NECAB2: variants seen among roughly 807,000 people sequenced by gnomAD.
The protein encoded by NECAB2 is N-terminal EF-hand calcium binding protein 2, also known as N-terminal EF-hand calcium-binding protein 2.
A neutral mutation model predicts 51.9 loss-of-function variants in NECAB2; 68 were observed. The observed-to-expected ratio is 1.31, with a 90% CI of 1.08 to 1.60. The LOEUF (loss-of-function observed/expected upper bound fraction) is 1.60, where lower values mean the gene tolerates loss of function less well. Among genes scored for constraint, NECAB2 ranks in the 40% most tolerant of loss-of-function variants. The pLI is 0.00. For missense variants in NECAB2, 854 were observed against 490.3 expected, an observed-to-expected ratio of 1.74 and a Z score of -7.00; for synonymous variants, 329 against 203.5, an observed-to-expected ratio of 1.62 and a Z score of -5.25.
chr16:83,984,176 T>C (rs985716239), intron 5 of NECAB2, among the ~76,000 whole-genome samples: 41 of 151,688 alleles, frequency 2.7e-4, no homozygotes, highest in Admixed American at 9.9e-4. Flanking sequence ...TTTGTATTTT[T>C]AGTAGAGACG....
rs753564109 is a variant in NECAB2 at position 84,002,302 on chromosome 16, G to C, written c.1133-16G>C. 12 of 1,613,642 alleles carry C rather than the reference G, an allele frequency of 7.4e-6. No homozygotes were observed. Among genetic ancestry groups the C allele is most frequent in the East Asian group, 4.5e-5 (2 of 44,854 alleles). On this transcript the variant is annotated splice_polypyrimidine_tract_variant and intron_variant, in intron 12 of 12. Coordinates refer to ENST00000305202, the MANE Select transcript of NECAB2 (RefSeq NM_019065.3). The stretch of plus-strand genomic sequence containing the variant: ...CATTCGCACTCCTTCCCTCTAACGT[G>C]TCTCTCTCCTTTTAGCTGCTTGGTG...
At chr16:83,986,321 G>T (rs530898684) in intron 5 of NECAB2, among the ~76,000 whole-genome samples, 3 of 152,224 alleles carry the variant, frequency 2.0e-5, no homozygotes, top group South Asian at 4.1e-4. Context: ...CCAGCCCAAA[G>T]ATTTTCTCTA....
chr16:83,983,164 T>A (rs906974205), intron 5 of NECAB2, among the ~76,000 whole-genome samples: 9 of 152,158 alleles, frequency 5.9e-5, no homozygotes, highest in African/African-American at 2.2e-4. Flanking sequence ...GTGATTGGCA[T>A]TTCTTTTGCT....
At chr16:84,002,247 G>C (rs1318117810) in intron 12 of NECAB2, 71 bp from the exon 13 acceptor site, 10 of 1,565,122 alleles carry the variant, frequency 6.4e-6, no homozygotes, top group African/African-American at 1.4e-5. Flanking sequence ...TGTCATTCAA[G>C]ACGACCACCA....
chr16:84,001,382 C>G (rs1290663142), intron 11 of NECAB2, among the ~76,000 whole-genome samples: 2 of 152,138 alleles, frequency 1.3e-5, no homozygotes, highest in Non-Finnish European at 2.9e-5. Context: ...GGTAAACACT[C>G]ACGGTTTGCT....
At position 83,983,453 on chromosome 16, in the gene NECAB2, A is replaced by G. The variant is rs114265674; in HGVS notation, c.459+2326A>G. 5.3e-3 allele frequency among the ~76,000 whole-genome samples: 813 copies of G among 152,260 alleles called. 7 individuals are homozygous for G. The highest frequency in any genetic ancestry group is 0.019 in the African/African-American group (778 of 41,538). ...CTAGTACTTCTCTGCTGATTATCATATTAATACCAGCTCTTATTTTAGAAT... is the reference window on the plus strand; with the variant it reads ...CTAGTACTTCTCTGCTGATTATCATGTTAATACCAGCTCTTATTTTAGAAT... On this transcript the variant is annotated intron_variant, in intron 5 of 12. Coordinates refer to ENST00000305202, the MANE Select transcript of NECAB2 (RefSeq NM_019065.3).
intron 5 of NECAB2, among the ~76,000 whole-genome samples, chr16:83,981,336 C>T (rs540479920): frequency 6.6e-6 from 1 of 152,160 alleles, no homozygotes; most frequent in Non-Finnish European, 1.5e-5. Context: ...GAGCAGGAGG[C>T]ATTTTCCCGG....
intron 1 of NECAB2, among the ~76,000 whole-genome samples, chr16:83,970,531 C>T (rs1013105330): frequency 6.6e-6 from 1 of 152,158 alleles, no homozygotes; most frequent in Non-Finnish European, 1.5e-5. Flanking sequence ...TAGAAATGAC[C>T]AAGGGTGCCC....
rs1481209705 is a variant in NECAB2, at chr16:83,997,360, C to A, written c.849+91C>A. ...AAGTGGCTCAATGCCCCTGACCCCG[C>A]TCTCCCTGCTTGGGACCACCAGGAG... On this transcript the variant is annotated intron_variant, in intron 9 of 12. Transcript: ENST00000305202. The A allele has an allele frequency of 2.2e-5, 33 of 1,518,692 alleles. No individual in the cohort carries two copies. The African/African-American group carries it at 3.4e-4, about 16-fold the overall frequency. 94.1% of individuals were successfully genotyped at this position (1,518,692 alleles called of 1,614,324 possible).
At chr16:83,985,868 G>A (rs1477713081) in intron 5 of NECAB2, among the ~76,000 whole-genome samples, 1 of 151,934 alleles carries the variant, frequency 6.6e-6, no homozygotes, top group South Asian at 2.1e-4. Flanking sequence ...TGCTTAAGAC[G>A]ATGTGGATTG....
At chr16:83,966,966 G>A (rs2084288077), upstream of NECAB2, among the ~76,000 whole-genome samples, 1 of 152,072 alleles carries the variant, frequency 6.6e-6, no homozygotes, top group Non-Finnish European at 1.5e-5. Flanking sequence ...TCTGCTTCTG[G>A]GTTGAAATGA....
chr16:83,991,738 T>C (rs2084628409), intron 6 of NECAB2, among the ~76,000 whole-genome samples: 1 of 150,970 alleles, frequency 6.6e-6, no homozygotes, highest in Non-Finnish European at 1.5e-5. Context: ...AATCTCCAAC[T>C]CAGGTTCAAG....
At chr16:84,001,758 A>T in intron 11 of NECAB2, 67 bp from the exon 12 acceptor site, 13 of 1,556,338 alleles carry the variant, frequency 8.4e-6, no homozygotes, top group Non-Finnish European at 1.2e-5. Flanking sequence ...AGCTAGGATT[A>T]ACAGGGGAGC....
chr16:83,985,401 G>A lies in NECAB2; in HGVS notation c.459+4274G>A, dbSNP rs566026488. On this transcript the variant is annotated intron_variant, in intron 5 of 12. Coordinates refer to ENST00000305202, the MANE Select transcript of NECAB2 (RefSeq NM_019065.3). ...TGTAATCCCAGCACTTTGGGAGGCCGAGGCAGATAGATCACAAGGTCAGGA... is the reference window on the plus strand; with the variant it reads ...TGTAATCCCAGCACTTTGGGAGGCCAAGGCAGATAGATCACAAGGTCAGGA... Among the ~76,000 whole-genome samples, 62 of 148,314 alleles carry A rather than the reference G, an allele frequency of 4.2e-4. No homozygotes were observed. In the East Asian group the frequency reaches 8.0e-3, roughly 19 times the overall value.
chr16:83,977,842 G>A (rs377591400), intron 2 of NECAB2, among the ~76,000 whole-genome samples: 1 of 152,348 alleles, frequency 6.6e-6, no homozygotes, highest in East Asian at 1.9e-4. Context: ...TGTACTCTAA[G>A]AACAGTGCTG....
At chr16:84,001,192 G>C (rs1341766262) in intron 11 of NECAB2, among the ~76,000 whole-genome samples, 1 of 151,830 alleles carries the variant, frequency 6.6e-6, no homozygotes, top group African/African-American at 2.4e-5. Flanking sequence ...CCCTCCAGCT[G>C]AGTGCCCGGT....
At chr16:83,994,729 C>T (rs756106554) in intron 8 of NECAB2, 41 bp downstream of exon 8, 15 of 1,596,848 alleles carry the variant, frequency 9.4e-6, no homozygotes, top group African/African-American at 1.3e-5. Context: ...CCTTCCAACC[C>T]CTGAGGGAGT....
At chr16:83,991,729 A>G (rs1236234445) in intron 6 of NECAB2, among the ~76,000 whole-genome samples, 2 of 151,068 alleles carry the variant, frequency 1.3e-5, no homozygotes, top group Admixed American at 6.6e-5. Context: ...GCTCACTGCA[A>G]TCTCCAACTC....
intron 8 of NECAB2, among the ~76,000 whole-genome samples, chr16:83,996,648 T>C (rs959023376): frequency 6.6e-6 from 1 of 152,146 alleles, no homozygotes; most frequent in Non-Finnish European, 1.5e-5. Flanking sequence ...ATGGCTTTCG[T>C]GCCTTCAGAG....
Sources: allele counts gnomAD v4.1 joint callset (sites outside exome capture counted in the v4.1 genomes callset), GRCh38; gene constraint gnomAD v4.1.1; transcripts MANE v1.5; gene names NCBI Gene and HGNC (gene_info 2026-07-23, HGNC 2026-07-21).